The following RGS7 variants were observed in gnomAD, a reference collection of about 807,000 sequenced individuals.
The protein encoded by RGS7 is regulator of G-protein signaling 7.
RGS7 carries 27 observed loss-of-function variants against 81.1 expected under a neutral mutation model. The ratio of observed to expected loss-of-function variants is 0.33; its 90% CI spans 0.25 to 0.46. RGS7 has a LOEUF of 0.46. Among genes scored for constraint, RGS7 ranks in the 20% least tolerant of loss-of-function variants. The pLI, the probability that RGS7 is intolerant of heterozygous loss-of-function variation, is 1.00. For missense variants in RGS7, 396 were observed against 607.4 expected (o/e 0.65, Z 3.66); for synonymous variants, 208 against 207.7 (o/e 1.00, Z -0.01).
At chr1:241,111,203 G>T (rs2065489382) in intron 2 of RGS7, among the ~76,000 whole-genome samples, 1 of 152,082 alleles carries the variant, frequency 6.6e-6, no homozygotes, top group Non-Finnish European at 1.5e-5. Context: ...ACCTCCTTGG[G>T]TAATAAATTC....
At chr1:241,170,116 A>G (rs935998721) in intron 2 of RGS7, among the ~76,000 whole-genome samples, 5 of 152,138 alleles carry the variant, frequency 3.3e-5, no homozygotes, top group African/African-American at 9.7e-5. Flanking sequence ...CAGCAATCTC[A>G]TATTCTGCTT....
At chr1:240,919,509 G>T (rs2148293045) in intron 6 of RGS7, 1 of 174,518 alleles carries the variant, frequency 5.7e-6, no homozygotes, top group East Asian at 1.5e-4. Flanking sequence ...GAAATCATTT[G>T]CCAAAATCTA....
chr1:240,851,460 G>A (rs1660088909), intron 9 of RGS7, among the ~76,000 whole-genome samples: 1 of 152,208 alleles, frequency 6.6e-6, no homozygotes, highest in African/African-American at 2.4e-5. Flanking sequence ...TGATGGAGAT[G>A]TACAAGGAGA....
At chr1:241,258,823 C>A (rs761993833) in intron 2 of RGS7, among the ~76,000 whole-genome samples, 7 of 152,196 alleles carry the variant, frequency 4.6e-5, no homozygotes, top group African/African-American at 1.2e-4. Flanking sequence ...AACTTTTCTA[C>A]GCCAACGAAC....
intron 2 of RGS7, among the ~76,000 whole-genome samples, chr1:241,268,051 G>C (rs923853993): frequency 6.6e-6 from 1 of 152,166 alleles, no homozygotes; most frequent in Non-Finnish European, 1.5e-5. Flanking sequence ...CCGGACCGTT[G>C]AGCACACTAG....
intron 3 of RGS7, among the ~76,000 whole-genome samples, chr1:241,089,554 C>A (rs971182780): frequency 1.3e-5 from 2 of 152,038 alleles, no homozygotes; most frequent in African/African-American, 4.8e-5. Flanking sequence ...ACAGTTACCC[C>A]TCGATTGATG....
chr1:241,243,516 G>T (rs1053911501), intron 2 of RGS7, among the ~76,000 whole-genome samples: 2 of 152,146 alleles, frequency 1.3e-5, no homozygotes, highest in Non-Finnish European at 2.9e-5. Flanking sequence ...TATATTTTGT[G>T]TGCAGCCAAC....
At chr1:241,352,071 A>G (rs2083282210) in intron 2 of RGS7, among the ~76,000 whole-genome samples, 1 of 152,124 alleles carries the variant, frequency 6.6e-6, no homozygotes, top group African/African-American at 2.4e-5. Flanking sequence ...CCAAATTTGG[A>G]GTGTCTCTCC....
At chr1:240,982,087 T>G (rs1684992862) in intron 4 of RGS7, among the ~76,000 whole-genome samples, 1 of 152,112 alleles carries the variant, frequency 6.6e-6, no homozygotes, top group South Asian at 2.1e-4. Flanking sequence ...GTGATGTGAA[T>G]TGTTTGCCAC....
At chr1:240,930,836 A>T in intron 5 of RGS7, 68 bp from the exon 6 acceptor site, 3 of 1,388,666 alleles carry the variant, frequency 2.2e-6, no homozygotes, top group Non-Finnish European at 3.1e-6. Context: ...CTGGCCAGTG[A>T]ATTACATTTA....
intron 6 of RGS7, among the ~76,000 whole-genome samples, chr1:240,888,578 TG>T (rs1304552855): frequency 1.3e-5 from 2 of 152,206 alleles, no homozygotes; most frequent in Admixed American, 6.5e-5. Flanking sequence ...TGTAGAATAA[TG>T]TGAATAAAGT....
At chr1:240,943,275 A>G (rs1677913295) in intron 4 of RGS7, among the ~76,000 whole-genome samples, 1 of 152,162 alleles carries the variant, frequency 6.6e-6, no homozygotes, top group African/African-American at 2.4e-5. Context: ...CGGGTCCCTC[A>G]TTTGCTGGCT....
intron 3 of RGS7, among the ~76,000 whole-genome samples, chr1:240,983,699 C>T (rs1179116938): frequency 6.6e-6 from 1 of 152,220 alleles, no homozygotes; most frequent in East Asian, 1.9e-4. Flanking sequence ...CCCTCGTCCA[C>T]TGAGTTCACA....
At chr1:241,293,472 C>A (rs4660063) in intron 2 of RGS7, among the ~76,000 whole-genome samples, 105,244 of 151,950 alleles carry the variant, frequency 0.69, 37,019 homozygotes, top group East Asian at 0.85. Context: ...AGCTCCATGC[C>A]TATTACTGCC....
At chr1:240,809,133 A>C (rs546955670) in intron 14 of RGS7, among the ~76,000 whole-genome samples, 2 of 152,300 alleles carry the variant, frequency 1.3e-5, no homozygotes, top group East Asian at 3.9e-4. Context: ...ATAAAAACTC[A>C]TGATATTACT....
chr1:240,982,674 T>C (rs550109597), intron 4 of RGS7, among the ~76,000 whole-genome samples: 16 of 152,130 alleles, frequency 1.1e-4, no homozygotes, highest in Non-Finnish European at 2.2e-4. Context: ...AAAATACTGA[T>C]TTCAAACTGT....
intron 6 of RGS7, among the ~76,000 whole-genome samples, chr1:240,873,504 T>C (rs912178802): frequency 5.3e-5 from 8 of 152,208 alleles, no homozygotes; most frequent in African/African-American, 1.7e-4. Flanking sequence ...GAAAGCTCCA[T>C]AGATAAGGCA....
rs550769240 is a variant in RGS7, at chr1:240,775,900, G to T, written c.*320C>A. 31 of 447,070 alleles carry T rather than the reference G, an allele frequency of 6.9e-5. No individual in the cohort carries two copies. In the Admixed American group the frequency reaches 7.8e-4, roughly 11 times the overall value. The allele number at this position is 447,070 out of a possible 1,614,324, so 27.7% of individuals were successfully genotyped here. ...GAGAGAAAGAAGGAAAAAAAGAAAA[G>T]GTTTTACTTCACTTGAACTTGTTAA... On this transcript the variant is annotated 3_prime_UTR_variant, in exon 19 of 19. Transcript: ENST00000440928.
At chr1:241,060,199 A>T (rs2061674066) in intron 3 of RGS7, among the ~76,000 whole-genome samples, 1 of 152,202 alleles carries the variant, frequency 6.6e-6, no homozygotes, top group Admixed American at 6.5e-5. Flanking sequence ...GCTGATAGAG[A>T]AAATATCTAA....
Sources: gnomAD v4.1 joint callset for allele counts (sites outside exome capture counted in the v4.1 genomes callset) on GRCh38, gnomAD v4.1.1 for gene constraint, MANE v1.5 for transcripts, NCBI Gene and HGNC (gene_info 2026-07-23, HGNC 2026-07-21) for gene names.